The following ASB15 variants were observed in gnomAD, a reference collection of about 807,000 sequenced individuals.
ASB15 encodes ankyrin repeat and SOCS box protein 15.
ASB15 carries 54 observed loss-of-function variants against 58.0 expected under a neutral mutation model. The observed-to-expected ratio is 0.93, with a 90% CI of 0.75 to 1.17. The LOEUF is 1.17. Ranked by LOEUF, ASB15 falls within the 50% of genes most tolerant of loss-of-function variation. ASB15 has a pLI of 0.00. For missense variants in ASB15, 680 were observed against 707.4 expected (o/e 0.96, Z 0.44); for synonymous variants, 249 against 262.4 (o/e 0.95, Z 0.50).
At chr7:123,587,224 C>T (rs1411827957) in intron 1 of ASB15, among the ~76,000 whole-genome samples, 1 of 151,596 alleles carries the variant, frequency 6.6e-6, no homozygotes, top group African/African-American at 2.4e-5. Flanking sequence ...CAATGTCTTT[C>T]ATCATTGTTT....
At chr7:123,614,851 G>T (rs1391860448) in intron 4 of ASB15, among the ~76,000 whole-genome samples, 1 of 152,190 alleles carries the variant, frequency 6.6e-6, no homozygotes. Flanking sequence ...AGATGAATTT[G>T]GTTGTATAGA....
intron 1 of ASB15, among the ~76,000 whole-genome samples, chr7:123,570,058 G>T (rs59029749): frequency 1.5e-5 from 2 of 134,278 alleles, no homozygotes; most frequent in Non-Finnish European, 3.1e-5. Flanking sequence ...TTTTTGAGAC[G>T]GAGTCTGGCT....
At chr7:123,599,498 C>T (rs866289841), upstream of ASB15, among the ~76,000 whole-genome samples, 1 of 152,210 alleles carries the variant, frequency 6.6e-6, no homozygotes, top group African/African-American at 2.4e-5. Flanking sequence ...GCAAGTGCCA[C>T]ACTCTTTTTC....
intron 1 of ASB15, among the ~76,000 whole-genome samples, chr7:123,576,168 T>C (rs1292788070): frequency 6.6e-6 from 1 of 151,604 alleles, no homozygotes; most frequent in Non-Finnish European, 1.5e-5. Context: ...TCTTCTATAT[T>C]TTTTATGGTC....
chr7:123,595,454 T>C lies in ASB15; in HGVS notation c.-442-8578T>C, dbSNP rs139943228. On this transcript the variant is annotated intron_variant, in intron 1 of 13. Coordinates refer to the ASB15 transcript ENST00000451558. ...TCTTTGTGAAAGTTCTCAGCACAGA[T>C]GTGTTCCCTCTCAGACTATCCTTTC... Among the ~76,000 whole-genome samples the C allele has an allele frequency of 2.4e-3, 368 of 152,346 alleles. 1 individual carries two copies. The highest frequency in any genetic ancestry group is 8.5e-3 in the Admixed American group (130 of 15,296).
chr7:123,581,575 T>A lies in ASB15; in HGVS notation c.-443+14487T>A, dbSNP rs533249259. ...AGACCTTGTGAGCTTTGCTACATAT[T>A]AGGTTTCTGAAAAGTCTTTCGGTTA... On this transcript the variant is annotated intron_variant, in intron 1 of 13. Coordinates refer to the ASB15 transcript ENST00000451558. Among the ~76,000 whole-genome samples, 8 of 152,114 alleles carry A rather than the reference T, an allele frequency of 5.3e-5. No homozygotes were observed. The South Asian group carries it at 1.5e-3, about 28-fold the overall frequency.
At chr7:123,592,615 T>C (rs1278933152) in intron 1 of ASB15, among the ~76,000 whole-genome samples, 2 of 152,216 alleles carry the variant, frequency 1.3e-5, no homozygotes, top group Non-Finnish European at 2.9e-5. Flanking sequence ...TTCTTAATCC[T>C]TATTTCTAAT....
intron 7 of ASB15, among the ~76,000 whole-genome samples, chr7:123,621,050 AGGACAACTAAGCC>A (rs1398282763): frequency 6.6e-6 from 1 of 152,192 alleles, no homozygotes; most frequent in Non-Finnish European, 1.5e-5. Flanking sequence ...TATTTCTTAA[AGGACAACTAAGCC>A]GTGATTATCA....
intron 11 of ASB15, among the ~76,000 whole-genome samples, chr7:123,634,859 T>C (rs567207837): frequency 6.6e-6 from 1 of 152,304 alleles, no homozygotes; most frequent in East Asian, 1.9e-4. Context: ...CAGAACCTGA[T>C]ATAGTTTTGC....
At chr7:123,632,397 T>C (rs1383084496) in intron 11 of ASB15, among the ~76,000 whole-genome samples, 3 of 151,978 alleles carry the variant, frequency 2.0e-5, no homozygotes, top group Admixed American at 6.6e-5. Flanking sequence ...GGAAGAAAAA[T>C]TGTAAATCAA....
chr7:123,609,353 G>T (rs1386589375), intron 3 of ASB15, among the ~76,000 whole-genome samples: 2 of 152,004 alleles, frequency 1.3e-5, no homozygotes, highest in African/African-American at 4.8e-5. Flanking sequence ...CTAAACTAGG[G>T]GCCAGTATGT....
intron 1 of ASB15, among the ~76,000 whole-genome samples, chr7:123,591,014 C>T (rs1799523535): frequency 1.3e-5 from 2 of 152,116 alleles, no homozygotes; most frequent in African/African-American, 4.8e-5. Flanking sequence ...AGGTCCTTCA[C>T]GTCCCCTGTA....
chr7:123,619,361 T>C (rs1484338007), intron 7 of ASB15, among the ~76,000 whole-genome samples: 1 of 151,918 alleles, frequency 6.6e-6, no homozygotes, highest in Admixed American at 6.6e-5. Flanking sequence ...TAAATTAAAT[T>C]AGGAGAATAA....
chr7:123,587,692 TGTGTTGAGGTAC>T (rs1799414042), intron 1 of ASB15, among the ~76,000 whole-genome samples: 1 of 151,704 alleles, frequency 6.6e-6, no homozygotes, highest in African/African-American at 2.4e-5. Flanking sequence ...TGACCTTTAT[TGTGTTGAGGTAC>T]ATTCTTTCTA....
In ASB15 at chr7:123,632,080, A is replaced by AAT. The variant is rs1562942449; in HGVS notation, c.1594+1962_1594+1963insTA. Among the ~76,000 whole-genome samples the AAT allele has an allele frequency of 8.4e-4, 127 of 151,766 alleles. 1 individual carries two copies. Among genetic ancestry groups the AAT allele is most frequent in the African/African-American group, 3.0e-3 (124 of 41,444 alleles). ...GCGACAGAGCGAGACTCCATCTCAA[A>AAT]AATAATAATAATAATAATAATAGAA... is the stretch of plus-strand genomic sequence containing the variant. On this transcript the variant is annotated intron_variant, in intron 11 of 11. Coordinates refer to ENST00000451215, the MANE Select transcript of ASB15 (RefSeq NM_001290258.2).
intron 1 of ASB15, among the ~76,000 whole-genome samples, chr7:123,574,312 A>T (rs1448339709): frequency 6.6e-6 from 1 of 151,820 alleles, no homozygotes. Context: ...TGTTTAGCCC[A>T]GGACAATCTT....
At chr7:123,617,206 A>G (rs1392871017) in intron 6 of ASB15, among the ~76,000 whole-genome samples, 1 of 152,200 alleles carries the variant, frequency 6.6e-6, no homozygotes, top group Non-Finnish European at 1.5e-5. Flanking sequence ...CGATACCTAC[A>G]TTCAAGTACA....
In ASB15 at chr7:123,630,350, G is replaced by T. The variant is rs779078385; in HGVS notation, c.1594+231G>T. 5.9e-5 allele frequency among the ~76,000 whole-genome samples: 9 copies of T among 152,032 alleles called. No individual in the cohort carries two copies. The East Asian group carries it at 1.7e-3, about 29-fold the overall frequency. On this transcript the variant is annotated intron_variant, in intron 11 of 11. Transcript: ENST00000451215. ...TGAGTAATACTACAGCTATATTAAC[G>T]TTCTGATTACAATTCATTTTAAAAA...
intron 1 of ASB15, among the ~76,000 whole-genome samples, chr7:123,573,252 C>A (rs907935946): frequency 1.3e-5 from 2 of 150,284 alleles, no homozygotes; most frequent in Admixed American, 1.3e-4. Flanking sequence ...GCTTCCCCCC[C>A]GCCTCCCCAT....
Sources: allele counts gnomAD v4.1 joint callset (sites outside exome capture counted in the v4.1 genomes callset), GRCh38; gene constraint gnomAD v4.1.1; transcripts MANE v1.5; gene names NCBI Gene and HGNC (gene_info 2026-07-23, HGNC 2026-07-21).